The following FDXR variants were observed in gnomAD, a reference collection of about 807,000 sequenced individuals.
The protein encoded by FDXR is ferredoxin reductase, also known as NADPH:adrenodoxin oxidoreductase, mitochondrial.
A neutral mutation model predicts 58.3 loss-of-function variants in FDXR; 38 were observed. That is an observed-to-expected ratio of 0.65 (90% CI 0.50 to 0.85). The LOEUF is 0.85. FDXR is among the 40% of genes least tolerant of loss of function. FDXR has a pLI of 0.00. For synonymous variants in FDXR, 275 were observed against 273.8 expected, an observed-to-expected ratio of 1.00 and a Z score of -0.04; for missense variants, 624 against 671.0, an observed-to-expected ratio of 0.93 and a Z score of 0.77.
chr17:74,865,012 G>C, intron 6 of FDXR, 81 bp from the exon 7 acceptor site: 1 of 1,598,410 alleles, frequency 6.3e-7, no homozygotes, highest in Non-Finnish European at 8.6e-7. Context: ...TCCCCACCGT[G>C]GGCCTGGAGA....
At chr17:74,867,353 C>T (rs962660041) in intron 2 of FDXR, among the ~76,000 whole-genome samples, 2 of 150,672 alleles carry the variant, frequency 1.3e-5, no homozygotes, top group Admixed American at 6.6e-5. Context: ...GGCCGGCCCT[C>T]AGAGATGGGG....
Position 74,864,829 on chromosome 17 carries a change from T to G in FDXR, c.712A>C (p.Ile238Leu), listed in dbSNP as rs769433044. 4.2e-5 allele frequency: 68 copies of G among 1,613,818 alleles called. 1 individual carries two copies. The highest frequency in any genetic ancestry group is 3.3e-4 in the Middle Eastern group (2 of 6,084). ...RRGPLQVAFT[I>L]KELREMIQLP... ...TCCCACTCTGGCCCCAGCACCTTAA[T>G]GGTGAAGGCCACTTGCAGGGGTCCA... is the stretch of plus-strand genomic sequence containing the variant. Residue 238 changes from isoleucine to leucine, a missense_variant, in exon 7 of 12, where the codon ATT becomes CTT. Ile to Leu is a conservative substitution (Grantham distance 5, BLOSUM62 2). Coordinates refer to ENST00000293195, the MANE Select transcript of FDXR (RefSeq NM_024417.5).
rs1555619793 is a variant in FDXR at position 74,864,586 on chromosome 17, T to G, written c.718-22A>C. The G allele has an allele frequency of 3.1e-6, 5 of 1,607,636 alleles. No individual in the cohort carries two copies. The South Asian group carries it at 5.5e-5, about 18-fold the overall frequency. On this transcript the variant is annotated intron_variant, in intron 7 of 11. Transcript: ENST00000293195. ...GCTCCTTGAAGGTGGGAGCAGGGAA[T>G]GGGGGAGGAGGTCAGGCCCAGAACA...
chr17:74,862,801 G>A lies in FDXR; in HGVS notation c.*16C>T, dbSNP rs564572063. Reference sequence around the variant, plus strand: ...ACTCATCCCTTCCCTGCTGGGGGCCGGGGCTGGGGCTGGGCTCAGTGGCCC... The same window carrying A: ...ACTCATCCCTTCCCTGCTGGGGGCCAGGGCTGGGGCTGGGCTCAGTGGCCC... On this transcript the variant is annotated 3_prime_UTR_variant, in exon 12 of 12. Transcript: ENST00000293195. The A allele has an allele frequency of 1.2e-5, 19 of 1,600,130 alleles. 1 individual carries two copies. The East Asian group carries it at 1.3e-4, about 11-fold the overall frequency.
At chr17:74,868,965 C>T (rs968206315) in intron 2 of FDXR, among the ~76,000 whole-genome samples, 87 of 152,212 alleles carry the variant, frequency 5.7e-4, no homozygotes, top group Admixed American at 5.0e-3. Flanking sequence ...TGCCCCAAAC[C>T]GCTCCCCACT....
intron 7 of FDXR, 83 bp from the exon 8 acceptor site, chr17:74,864,647 G>C: frequency 6.9e-7 from 1 of 1,456,408 alleles, no homozygotes; most frequent in Non-Finnish European, 9.5e-7. Flanking sequence ...TCCAGCCCAG[G>C]CAGGAGAGAC....
chr17:74,864,738 T>G, intron 7 of FDXR, 86 bp downstream of exon 7: 1 of 1,567,868 alleles, frequency 6.4e-7, no homozygotes, highest in Non-Finnish European at 8.7e-7. Flanking sequence ...CAGCAGCTAC[T>G]CCCAGGGGCT....
intron 5 of FDXR, 106 bp downstream of exon 5, chr17:74,866,025 A>G (rs2144659326): frequency 2.0e-6 from 2 of 990,450 alleles, no homozygotes; most frequent in East Asian, 2.4e-5. Context: ...AGTCAGCACA[A>G]TGTCACAGCT....
chr17:74,868,499 A>G (rs779169315), intron 2 of FDXR: 1 of 1,306,120 alleles, frequency 7.7e-7, no homozygotes, highest in South Asian at 1.3e-5. Context: ...CCACAGCATA[A>G]AGTTCAAACT....
chr17:74,866,619 G>T (rs770554611), intron 3 of FDXR, 51 bp from the exon 4 acceptor site: 3 of 1,611,998 alleles, frequency 1.9e-6, no homozygotes, highest in Non-Finnish European at 2.5e-6. Flanking sequence ...GCAGCTCCAG[G>T]GACCAAGTCT....
chr17:74,872,551 G>C, intron 1 of FDXR: 1 of 623,816 alleles, frequency 1.6e-6, no homozygotes, highest in South Asian at 2.0e-5. Context: ...TATTCCTACA[G>C]ATCCCTGTTT....
rs1168832772 is a variant in FDXR at position 74,862,794 on chromosome 17, G to GGGGGCC, written c.*17_*22dup. ...TCCCAACACTCATCCCTTCCCTGCTGGGGGCCGGGGCTGGGGCTGGGCTCA... is the reference window on the plus strand; with the variant it reads ...TCCCAACACTCATCCCTTCCCTGCTGGGGGCCGGGGCCGGGGCTGGGGCTGGGCTCA... On this transcript the variant is annotated 3_prime_UTR_variant, in exon 12 of 12. Transcript: ENST00000293195. 7 of 1,596,448 alleles carry GGGGGCC rather than the reference G, an allele frequency of 4.4e-6. No homozygotes were observed. The highest frequency in any genetic ancestry group is 2.2e-5 in the East Asian group (1 of 44,742).
rs7223627 is a variant in FDXR at position 74,866,491 on chromosome 17, G to A, written c.348C>T (p.Asp116=). The A allele has an allele frequency of 1.4e-3, 2,292 of 1,613,704 alleles. 6 individuals carry two copies. The highest frequency in any genetic ancestry group is 7.2e-3 in the African/African-American group (537 of 75,040). Residue 116 remains aspartate, a synonymous_variant, in exon 4 of 12, where the codon GAC becomes GAT. Transcript: ENST00000293195. ...AFWGNVEVGR[D]VTVPELQEAY... ...CCTCCTGCAGCTCCGGCACCGTCAC[G>A]TCCCTGCCCACCTCCACGTTGCCCC...
chr17:74,870,105 G>A, intron 2 of FDXR: 1 of 381,122 alleles, frequency 2.6e-6, no homozygotes, highest in Non-Finnish European at 5.7e-6. Context: ...GGAGCTCCCT[G>A]TGGGCAAAGA....
intron 9 of FDXR, 26 bp downstream of exon 9, chr17:74,864,122 G>C (rs200740021): frequency 1.1e-5 from 18 of 1,613,164 alleles, no homozygotes; most frequent in South Asian, 4.4e-5. Flanking sequence ...TGGGAAGGGG[G>C]TGTCTTTGGG....
chr17:74,866,728 C>T (rs2038199619), intron 3 of FDXR, 56 bp downstream of exon 3: 1 of 1,602,228 alleles, frequency 6.2e-7, no homozygotes, highest in South Asian at 1.1e-5. Context: ...CCTCCCTGCC[C>T]TCCTCATCTT....
intron 2 of FDXR, chr17:74,869,803 C>T (rs185835464): frequency 5.0e-5 from 18 of 362,592 alleles, no homozygotes; most frequent in South Asian, 2.1e-4. Flanking sequence ...GTAAAGCCTG[C>T]GCCCAGAACA....
rs1432962289 is a variant in FDXR at position 74,864,525 on chromosome 17, TGGGCCG to T, written c.751_756del (p.Arg251_Pro252del). 6.2e-7 allele frequency: 1 copy of T among 1,613,900 alleles called. No individual in the cohort carries two copies. Among genetic ancestry groups the T allele is most frequent in the Non-Finnish European group, 8.5e-7 (1 of 1,179,992 alleles). On this transcript the variant is annotated inframe_deletion, in exon 8 of 12. Coordinates refer to ENST00000293195, the MANE Select transcript of FDXR (RefSeq NM_024417.5). ...CCCAAGAAATCCACAGGATCCAAAA[TGGGCCG>T]GGCTCCCGGTAACTGAATCATCTCC...
rs1008630272 is a variant in FDXR, at chr17:74,863,962, T to C, written c.1108A>G (p.Ser370Gly). Residue 370 changes from serine to glycine, a missense_variant, in exon 10 of 12, where the codon AGC becomes GGC. Physicochemically the swap from Ser to Gly is moderately conservative, Grantham distance 56 (BLOSUM62 0). Coordinates refer to ENST00000293195, the MANE Select transcript of FDXR (RefSeq NM_024417.5). The stretch of plus-strand genomic sequence containing the variant: ...CCAAGCTTGGAGTCAAAGGGCACGC[T>C]TGGGTCGACAGGGCGGCTCTTATAC... ...IGYKSRPVDP[S>G]VPFDSKLGVI... is the part of the protein sequence containing the mutation. 7 of 1,613,922 alleles carry C rather than the reference T, an allele frequency of 4.3e-6. No homozygotes were observed. The African/African-American group carries it at 5.3e-5, about 12-fold the overall frequency.
Sources: gnomAD v4.1 joint callset for allele counts (sites outside exome capture counted in the v4.1 genomes callset) on GRCh38, gnomAD v4.1.1 for gene constraint, MANE v1.5 for transcripts, NCBI Gene and HGNC (gene_info 2026-07-23, HGNC 2026-07-21) for gene names.